MTUS2: variants seen among roughly 807,000 people sequenced by gnomAD.
The protein encoded by MTUS2 is microtubule associated scaffold protein 2.
A neutral mutation model predicts 114.1 loss-of-function variants in MTUS2; 40 were observed. The observed-to-expected ratio is 0.35, with a 90% CI of 0.27 to 0.46. The LOEUF is 0.46. Ranked by LOEUF, MTUS2 falls within the 20% of genes least tolerant of loss-of-function variation. The pLI, the probability that MTUS2 is intolerant of heterozygous loss-of-function variation, is 1.00. For synonymous variants in MTUS2, 688 were observed against 672.0 expected, an observed-to-expected ratio of 1.02 and a Z score of -0.37; for missense variants, 1,679 against 1,705.4, an observed-to-expected ratio of 0.98 and a Z score of 0.27.
chr13:29,310,586 T>C (rs969772331), intron 6 of MTUS2, among the ~76,000 whole-genome samples: 6 of 152,122 alleles, frequency 3.9e-5, no homozygotes, highest in Non-Finnish European at 7.4e-5. Context: ...ACAAAAAGAT[T>C]TGGTCAACAC....
At chr13:29,008,341 T>A (rs896144360) in intron 2 of MTUS2, among the ~76,000 whole-genome samples, 2 of 152,192 alleles carry the variant, frequency 1.3e-5, no homozygotes, top group African/African-American at 4.8e-5. Flanking sequence ...ACTTAATAAA[T>A]GCAATCAACC....
chr13:29,386,514 G>A (rs530210235), intron 8 of MTUS2, among the ~76,000 whole-genome samples: 1 of 152,300 alleles, frequency 6.6e-6, no homozygotes, highest in Admixed American at 6.5e-5. Context: ...ACTAAAATGA[G>A]TTAGCCAGAT....
chr13:28,976,592 G>A (rs1227491936), intron 2 of MTUS2, among the ~76,000 whole-genome samples: 1 of 152,044 alleles, frequency 6.6e-6, no homozygotes, highest in African/African-American at 2.4e-5. Flanking sequence ...GGGATGAGGA[G>A]CTACAGAATA....
intron 7 of MTUS2, among the ~76,000 whole-genome samples, chr13:29,344,548 T>A (rs140659517): frequency 6.9e-4 from 105 of 152,256 alleles, no homozygotes; most frequent in Non-Finnish European, 1.3e-3. Flanking sequence ...TCCTTATGTG[T>A]TGTTAGATGA....
At chr13:29,230,695 G>T (rs757460880) in intron 5 of MTUS2, among the ~76,000 whole-genome samples, 1 of 152,196 alleles carries the variant, frequency 6.6e-6, no homozygotes, top group Non-Finnish European at 1.5e-5. Flanking sequence ...AGGTAACTTT[G>T]GAAGAGTTAA....
In MTUS2 at chr13:29,215,474, GT is replaced by G. The variant is rs71090232; in HGVS notation, c.2645-66209del. ...TTGGAGTTTTCAGCATTTTTTTGCT[GT>G]TTTTTTTTTTTTTTTTTTTTCCCCA... On this transcript the variant is annotated intron_variant, in intron 5 of 15. Coordinates refer to ENST00000612955, the MANE Select transcript of MTUS2 (RefSeq NM_001033602.4). Among the ~76,000 whole-genome samples the G allele has an allele frequency of 4.5e-3, 591 of 130,056 alleles. 2 individuals are homozygous for G. Among genetic ancestry groups the G allele is most frequent in the East Asian group, 0.015 (65 of 4,338 alleles). The allele number at this position is 130,056 out of a possible 152,430, so 85.3% of individuals were successfully genotyped here.
Position 29,358,522 on chromosome 13 carries a change from C to G in MTUS2, c.2906-740C>G, listed in dbSNP as rs567559867. Reference sequence around the variant, plus strand: ...CCTATTCATCGTGAGAGAAAGTGAGCAGAGGGGTTCACACAAGTGATGACG... The same window carrying G: ...CCTATTCATCGTGAGAGAAAGTGAGGAGAGGGGTTCACACAAGTGATGACG... On this transcript the variant is annotated intron_variant, in intron 7 of 15. Transcript: ENST00000612955. 5.9e-5 allele frequency among the ~76,000 whole-genome samples: 9 copies of G among 152,302 alleles called. 1 individual carries two copies. The highest frequency in any genetic ancestry group is 5.9e-4 in the Admixed American group (9 of 15,302).
At chr13:29,168,977 T>G (rs2987339) in intron 5 of MTUS2, among the ~76,000 whole-genome samples, 147,582 of 151,628 alleles carry the variant, frequency 0.97, 71,873 homozygotes, top group Non-Finnish European at 1. Flanking sequence ...ACTCTGCCCT[T>G]ATATTCACAG....
At chr13:29,456,408 C>CAAGAGGGAGGAGAT (rs903241957) in intron 9 of MTUS2, among the ~76,000 whole-genome samples, 3 of 151,946 alleles carry the variant, frequency 2.0e-5, no homozygotes, top group Admixed American at 2.0e-4. Context: ...TTCAGAAGGA[C>CAAGAGGGAGGAGAT]AAGAGGGAGG....
chr13:29,471,830 G>T (rs2138846637), intron 9 of MTUS2, among the ~76,000 whole-genome samples: 1 of 151,040 alleles, frequency 6.6e-6, no homozygotes, highest in South Asian at 2.1e-4. Flanking sequence ...CTACTTACGG[G>T]ACCCCTAGTA....
chr13:29,333,542 G>T (rs945417792), intron 7 of MTUS2, among the ~76,000 whole-genome samples: 23 of 152,280 alleles, frequency 1.5e-4, no homozygotes, highest in African/African-American at 3.8e-4. Context: ...TTGCACTGTG[G>T]TCTGAGAGAC....
intron 6 of MTUS2, among the ~76,000 whole-genome samples, chr13:29,317,680 C>T (rs1276199309): frequency 7.4e-6 from 1 of 134,298 alleles, no homozygotes; most frequent in Non-Finnish European, 1.6e-5. Flanking sequence ...CCTCGTGATC[C>T]ACCCGCCTCG....
intron 5 of MTUS2, among the ~76,000 whole-genome samples, chr13:29,142,533 G>A (rs546971802): frequency 1.1e-4 from 17 of 152,044 alleles, no homozygotes; most frequent in South Asian, 1.0e-3. Flanking sequence ...GTGAACCCCC[G>A]TCTCTACTAA....
intron 5 of MTUS2, among the ~76,000 whole-genome samples, chr13:29,276,387 A>G (rs1451698626): frequency 1.3e-5 from 2 of 152,134 alleles, no homozygotes; most frequent in Non-Finnish European, 2.9e-5. Context: ...TTACCTTGCA[A>G]ATGGTAAGTT....
intron 5 of MTUS2, among the ~76,000 whole-genome samples, chr13:29,137,966 T>C (rs1892054464): frequency 1.3e-5 from 2 of 152,080 alleles, no homozygotes; most frequent in South Asian, 4.1e-4. Flanking sequence ...CCTGTGGAAG[T>C]TACTTCAGGA....
chr13:29,485,971 T>C (rs1881588420), intron 10 of MTUS2, among the ~76,000 whole-genome samples: 1 of 152,232 alleles, frequency 6.6e-6, no homozygotes, highest in Admixed American at 6.5e-5. Flanking sequence ...CAGTGTGCCA[T>C]GGCCTAAGTG....
At chr13:29,173,654 G>C (rs1003345173) in intron 5 of MTUS2, among the ~76,000 whole-genome samples, 44 of 152,144 alleles carry the variant, frequency 2.9e-4, no homozygotes, top group African/African-American at 9.9e-4. Flanking sequence ...ATAGCATATT[G>C]ATTCTCTCCT....
At chr13:28,864,462 C>G (rs573321409) in intron 2 of MTUS2, among the ~76,000 whole-genome samples, 9 of 152,188 alleles carry the variant, frequency 5.9e-5, no homozygotes, top group Non-Finnish European at 4.4e-5. Context: ...CCTGGCTCAT[C>G]ATGTCGGTGA....
At chr13:28,999,267 G>A (rs1216143036) in intron 2 of MTUS2, among the ~76,000 whole-genome samples, 1 of 152,178 alleles carries the variant, frequency 6.6e-6, no homozygotes, top group African/African-American at 2.4e-5. Context: ...TCTCAGAGGA[G>A]TACCTGGCCG....
Sources: allele counts gnomAD v4.1 joint callset (sites outside exome capture counted in the v4.1 genomes callset), GRCh38; gene constraint gnomAD v4.1.1; transcripts MANE v1.5; gene names NCBI Gene and HGNC (gene_info 2026-07-23, HGNC 2026-07-21).